The following IKZF1 variants were observed in gnomAD, a reference collection of about 807,000 sequenced individuals.
IKZF1 encodes IKAROS family zinc finger 1, also known as DNA-binding protein Ikaros.
A neutral mutation model predicts 51.7 loss-of-function variants in IKZF1; 10 were observed. The observed-to-expected ratio is 0.19, with a 90% CI of 0.12 to 0.33. The LOEUF (loss-of-function observed/expected upper bound fraction) is 0.33, where lower values mean the gene tolerates loss of function less well. IKZF1 is among the 10% of genes least tolerant of loss of function. The pLI is 1.00. For synonymous variants in IKZF1, 280 were observed against 282.3 expected (o/e 0.99, Z 0.08); for missense variants, 484 against 707.5 (o/e 0.68, Z 3.58).
intron 7 of IKZF1, 105 bp from the exon 8 acceptor site, chr7:50,399,813 C>T (rs1817661823): frequency 2.7e-6 from 4 of 1,481,706 alleles, no homozygotes; most frequent in Non-Finnish European, 2.7e-6. Context: ...GCCCCCAGGC[C>T]GTGTTCCCCT....
intron 3 of IKZF1, among the ~76,000 whole-genome samples, chr7:50,359,026 G>A (rs1440424017): frequency 2.0e-5 from 3 of 152,182 alleles, no homozygotes; most frequent in Non-Finnish European, 4.4e-5. Context: ...TTGAGAGACT[G>A]AGGTGGAAGG....
rs1256104315 is a variant in IKZF1, at chr7:50,327,684, G to A, written c.87G>A (p.Glu29=). 3 of 1,613,630 alleles carry A rather than the reference G, an allele frequency of 1.9e-6. No individual in the cohort carries two copies. Among genetic ancestry groups the A allele is most frequent in the Non-Finnish European group, 2.5e-6 (3 of 1,179,754 alleles). The change falls in exon 3 of 8, where the codon GAG becomes GAA. Residue 29 remains glutamate, a synonymous_variant. Transcript: ENST00000331340. ...PVSDTPDEGD[E]PMPIPEDLST... ...GCGATACTCCAGATGAGGGCGATGA[G>A]CCCATGCCGATCCCCGAGGACCTCT...
intron 7 of IKZF1, chr7:50,394,491 T>C (rs1816125024): frequency 4.3e-6 from 1 of 233,408 alleles, no homozygotes. Flanking sequence ...GAGAGCCCCA[T>C]CCTTCAGAGT....
intron 3 of IKZF1, among the ~76,000 whole-genome samples, chr7:50,333,536 AC>A (rs1796886406): frequency 6.6e-6 from 1 of 152,182 alleles, no homozygotes; most frequent in South Asian, 2.1e-4. Context: ...TCTCTTCTGA[AC>A]CGATAAACCC....
intron 3 of IKZF1, among the ~76,000 whole-genome samples, chr7:50,340,267 T>C (rs1387896304): frequency 6.6e-6 from 1 of 152,240 alleles, no homozygotes; most frequent in African/African-American, 2.4e-5. Flanking sequence ...TGAGTTCAGC[T>C]GCAGGGATCT....
intron 5 of IKZF1, among the ~76,000 whole-genome samples, chr7:50,385,456 T>C (rs975289116): frequency 1.3e-5 from 2 of 152,320 alleles, no homozygotes; most frequent in Admixed American, 1.3e-4. Flanking sequence ...ATTTGTCCGA[T>C]GCTGACAGCA....
chr7:50,346,701 C>G (rs1800464409), intron 3 of IKZF1, among the ~76,000 whole-genome samples: 1 of 152,206 alleles, frequency 6.6e-6, no homozygotes, highest in Non-Finnish European at 1.5e-5. Context: ...AGGAGCTCTT[C>G]TGTGTGTAAG....
At chr7:50,324,221 AGCTGTCACAGAAGATGAGGG>A (rs1263214863) in intron 2 of IKZF1, among the ~76,000 whole-genome samples, 6 of 152,204 alleles carry the variant, frequency 3.9e-5, no homozygotes, top group Non-Finnish European at 7.4e-5. Flanking sequence ...GGAGATCCTC[AGCTGTCACAGAAGATGAGGG>A]GCCCTGGGTA....
chr7:50,385,751 G>T (rs1163258674), intron 5 of IKZF1, among the ~76,000 whole-genome samples: 1 of 152,194 alleles, frequency 6.6e-6, no homozygotes, highest in African/African-American at 2.4e-5. Context: ...AAAGGGTATC[G>T]AGTGGTTATC....
At chr7:50,382,094 A>G (rs954536447) in intron 4 of IKZF1, among the ~76,000 whole-genome samples, 3 of 152,220 alleles carry the variant, frequency 2.0e-5, no homozygotes, top group Non-Finnish European at 2.9e-5. Context: ...TGAACTTGTG[A>G]TCCTGAAATG....
At chr7:50,383,219 A>C (rs1453664164) in intron 5 of IKZF1, among the ~76,000 whole-genome samples, 2 of 152,242 alleles carry the variant, frequency 1.3e-5, no homozygotes, top group South Asian at 2.1e-4. Flanking sequence ...TCACACCAAA[A>C]ACCAGCCAAG....
intron 4 of IKZF1, among the ~76,000 whole-genome samples, chr7:50,380,093 G>A (rs1406952607): frequency 1.3e-5 from 2 of 152,184 alleles, no homozygotes; most frequent in African/African-American, 4.8e-5. Context: ...CATGGCGTGG[G>A]CTGCGTTCTT....
chr7:50,336,048 A>G (rs1240204427), intron 3 of IKZF1, among the ~76,000 whole-genome samples: 1 of 152,124 alleles, frequency 6.6e-6, no homozygotes, highest in Non-Finnish European at 1.5e-5. Flanking sequence ...GGCCTGCTCC[A>G]TGTCTGACAT....
At position 50,349,492 on chromosome 7, in the gene IKZF1, C is replaced by A. The variant is rs574482686; in HGVS notation, c.160+21735C>A. On this transcript the variant is annotated intron_variant, in intron 3 of 7. Coordinates refer to ENST00000331340, the MANE Select transcript of IKZF1 (RefSeq NM_006060.6). Reference sequence around the variant, plus strand: ...AGAAGAGATGGATGGGGAAAAGGAACAGGGAGTGGGAACAAAACGTGGACC... The same window carrying A: ...AGAAGAGATGGATGGGGAAAAGGAAAAGGGAGTGGGAACAAAACGTGGACC... Among the ~76,000 whole-genome samples, 2 of 152,240 alleles carry A rather than the reference C, an allele frequency of 1.3e-5. 1 individual carries two copies. The highest frequency in any genetic ancestry group is 4.1e-4 in the South Asian group (2 of 4,822).
chr7:50,390,332 A>G (rs1562889876), intron 6 of IKZF1, among the ~76,000 whole-genome samples: 1 of 152,212 alleles, frequency 6.6e-6, no homozygotes, highest in East Asian at 1.9e-4. Flanking sequence ...AGCTTAATAG[A>G]TGAAGTGTGT....
intron 3 of IKZF1, among the ~76,000 whole-genome samples, chr7:50,364,982 C>A (rs1053860926): frequency 6.6e-6 from 1 of 152,202 alleles, no homozygotes; most frequent in Non-Finnish European, 1.5e-5. Flanking sequence ...CCATGCCTCA[C>A]GTGCAGGTGA....
intron 1 of IKZF1, among the ~76,000 whole-genome samples, chr7:50,308,043 T>C (rs1789234609): frequency 6.6e-6 from 1 of 152,258 alleles, no homozygotes; most frequent in Admixed American, 6.5e-5. Context: ...TATATGTTTA[T>C]GTCCTTAAAG....
At chr7:50,379,380 C>T (rs1169042433) in intron 4 of IKZF1, among the ~76,000 whole-genome samples, 1 of 152,244 alleles carries the variant, frequency 6.6e-6, no homozygotes, top group Non-Finnish European at 1.5e-5. Flanking sequence ...GGCGGTCTCG[C>T]CTCTGCCCAT....
At position 50,325,434 on chromosome 7, in the gene IKZF1, A is replaced by G. The variant is rs552283070; in HGVS notation, c.41-2204A>G. Reference sequence around the variant, plus strand: ...TATTTGGAGTTTTTCCCCATTTATGAAAGAGGTGAAAACGCTAAGATATTT... The same window carrying G: ...TATTTGGAGTTTTTCCCCATTTATGGAAGAGGTGAAAACGCTAAGATATTT... On this transcript the variant is annotated intron_variant, in intron 2 of 7. Transcript: ENST00000331340. Among the ~76,000 whole-genome samples the G allele has an allele frequency of 6.2e-4, 94 of 152,210 alleles. 1 individual carries two copies. Among genetic ancestry groups the G allele is most frequent in the African/African-American group, 2.2e-3 (93 of 41,540 alleles).
Sources: gnomAD v4.1 joint callset for allele counts (sites outside exome capture counted in the v4.1 genomes callset) on GRCh38, gnomAD v4.1.1 for gene constraint, MANE v1.5 for transcripts, NCBI Gene and HGNC (gene_info 2026-07-23, HGNC 2026-07-21) for gene names.